TRAPPC9: variants seen among roughly 807,000 people sequenced by gnomAD.
TRAPPC9 encodes trafficking protein particle complex subunit 9, also known as IKK2 binding protein.
TRAPPC9 carries 83 observed loss-of-function variants against 124.0 expected under a neutral mutation model. The ratio of observed to expected loss-of-function variants is 0.67; its 90% CI spans 0.56 to 0.80. TRAPPC9 has a LOEUF of 0.80. TRAPPC9 is among the 30% of genes least tolerant of loss of function. The probability of loss-of-function intolerance (pLI) is 0.00; values close to 1 mark genes in which losing one functional copy is unlikely to be tolerated. For missense variants in TRAPPC9, 1,302 were observed against 1,508.3 expected (o/e 0.86, Z 2.27); for synonymous variants, 638 against 617.5 (o/e 1.03, Z -0.49).
At chr8:139,859,403 T>A (rs1473675811) in intron 21 of TRAPPC9, among the ~76,000 whole-genome samples, 1 of 152,202 alleles carries the variant, frequency 6.6e-6, no homozygotes, top group African/African-American at 2.4e-5. Flanking sequence ...GCGCTTCTAT[T>A]GCTTACTAAG....
chr8:140,317,869 C>A (rs1588143633), intron 9 of TRAPPC9, among the ~76,000 whole-genome samples: 1 of 152,066 alleles, frequency 6.6e-6, no homozygotes, highest in Non-Finnish European at 1.5e-5. Context: ...TTACAAAATA[C>A]CTGCCAAAGA....
chr8:140,085,510 C>T (rs1161279490), intron 17 of TRAPPC9, among the ~76,000 whole-genome samples: 2 of 152,170 alleles, frequency 1.3e-5, no homozygotes, highest in African/African-American at 2.4e-5. Flanking sequence ...AAACCTCTCT[C>T]GAATGGAAAT....
chr8:139,837,223 C>T (rs1415661537), intron 21 of TRAPPC9, among the ~76,000 whole-genome samples: 1 of 152,194 alleles, frequency 6.6e-6, no homozygotes, highest in Non-Finnish European at 1.5e-5. Flanking sequence ...AAGAGCCCTC[C>T]TGCTGCCGCT....
chr8:140,434,204 G>A (rs772754203), intron 4 of TRAPPC9, among the ~76,000 whole-genome samples: 3 of 152,152 alleles, frequency 2.0e-5, no homozygotes, highest in Non-Finnish European at 4.4e-5. Flanking sequence ...CCACACTGTG[G>A]AGTGTACTTT....
At chr8:140,030,432 T>G (rs1587537471) in intron 17 of TRAPPC9, among the ~76,000 whole-genome samples, 1 of 152,278 alleles carries the variant, frequency 6.6e-6, no homozygotes, top group East Asian at 1.9e-4. Context: ...AATAGTAAAA[T>G]CCTTTTGAAA....
chr8:140,065,796 T>G (rs1019820721), intron 17 of TRAPPC9, among the ~76,000 whole-genome samples: 4 of 152,256 alleles, frequency 2.6e-5, no homozygotes, highest in Non-Finnish European at 4.4e-5. Flanking sequence ...GATGGAGATG[T>G]ACAAGAAGGT....
At chr8:140,315,796 G>C (rs202038428) in intron 9 of TRAPPC9, among the ~76,000 whole-genome samples, 1 of 152,092 alleles carries the variant, frequency 6.6e-6, no homozygotes, top group African/African-American at 2.4e-5. Flanking sequence ...AATTACACAG[G>C]AAACACTGTC....
At chr8:139,852,441 C>T (rs762295117) in intron 21 of TRAPPC9, among the ~76,000 whole-genome samples, 4 of 152,170 alleles carry the variant, frequency 2.6e-5, no homozygotes, top group Non-Finnish European at 5.9e-5. Flanking sequence ...AGGCTCCTCA[C>T]CGAGTGCCAG....
chr8:139,856,624 T>G (rs1257843393), intron 21 of TRAPPC9, among the ~76,000 whole-genome samples: 5 of 151,894 alleles, frequency 3.3e-5, no homozygotes. Context: ...GATTTGTGAA[T>G]GTTCTCAAGA....
intron 1 of TRAPPC9, among the ~76,000 whole-genome samples, chr8:140,455,128 A>C (rs1047418309): frequency 1.3e-5 from 2 of 152,156 alleles, no homozygotes; most frequent in Non-Finnish European, 2.9e-5. Context: ...GAATGTACAT[A>C]GCAGTATTAT....
chr8:139,746,761 T>A (rs77303655), intron 21 of TRAPPC9, among the ~76,000 whole-genome samples: 2,017 of 152,320 alleles, frequency 0.013, 38 homozygotes, highest in African/African-American at 0.046. Context: ...AACCAAGCCC[T>A]CCCTTTCAGG....
At chr8:140,092,551 G>T (rs1213696651) in intron 17 of TRAPPC9, among the ~76,000 whole-genome samples, 1 of 152,122 alleles carries the variant, frequency 6.6e-6, no homozygotes, top group Non-Finnish European at 1.5e-5. Flanking sequence ...GTGAGAAAAG[G>T]AATCAGAGAG....
intron 19 of TRAPPC9, among the ~76,000 whole-genome samples, chr8:139,963,914 G>A (rs72683283): frequency 3.9e-5 from 6 of 152,108 alleles, no homozygotes; most frequent in Non-Finnish European, 7.4e-5. Context: ...ATTGACTTAT[G>A]CAACTATAAA....
intron 17 of TRAPPC9, among the ~76,000 whole-genome samples, chr8:140,139,920 T>A (rs2061358428): frequency 6.6e-6 from 1 of 152,230 alleles, no homozygotes; most frequent in African/African-American, 2.4e-5. Flanking sequence ...GATGTGTGCA[T>A]TTTTCTGAGT....
At chr8:140,011,729 G>T (rs1419428408) in intron 18 of TRAPPC9, among the ~76,000 whole-genome samples, 1 of 143,448 alleles carries the variant, frequency 7.0e-6, no homozygotes, top group Admixed American at 7.1e-5. Context: ...CCAGGCTGGA[G>T]TGCAATGGCA....
In TRAPPC9 at chr8:139,770,010, C is replaced by T. The variant is rs569601674; in HGVS notation, c.3056-37808G>A. On this transcript the variant is annotated intron_variant, in intron 21 of 22. Coordinates refer to ENST00000438773, the MANE Select transcript of TRAPPC9 (RefSeq NM_001160372.4). ...GGCACGGGGCAGGCAGGTTTTGCCACCCGCCAGTGGTGGGCCAGGCCCTGT... is the reference window on the plus strand; with the variant it reads ...GGCACGGGGCAGGCAGGTTTTGCCATCCGCCAGTGGTGGGCCAGGCCCTGT... Among the ~76,000 whole-genome samples the T allele has an allele frequency of 3.3e-5, 5 of 152,338 alleles. No homozygotes were observed. The South Asian group carries it at 1.0e-3, about 32-fold the overall frequency.
chr8:139,732,329 C>T (rs1440844609), intron 21 of TRAPPC9, 127 bp from the exon 22 acceptor site: 4 of 854,736 alleles, frequency 4.7e-6, no homozygotes, highest in Non-Finnish European at 5.3e-6. Context: ...CCACTCCCTG[C>T]CAGGCTGGAC....
intron 9 of TRAPPC9, among the ~76,000 whole-genome samples, chr8:140,312,229 C>A (rs754151370): frequency 6.6e-6 from 1 of 152,206 alleles, no homozygotes; most frequent in Non-Finnish European, 1.5e-5. Flanking sequence ...TCCCTCCTTG[C>A]AGCATCTAGC....
chr8:139,979,587 C>A (rs989837318), intron 19 of TRAPPC9, among the ~76,000 whole-genome samples: 5 of 151,960 alleles, frequency 3.3e-5, no homozygotes, highest in Non-Finnish European at 5.9e-5. Context: ...GACAGGCACC[C>A]CTCTTTAGTA....
Sources: gnomAD v4.1 joint callset for allele counts (sites outside exome capture counted in the v4.1 genomes callset) on GRCh38, gnomAD v4.1.1 for gene constraint, MANE v1.5 for transcripts, NCBI Gene and HGNC (gene_info 2026-07-23, HGNC 2026-07-21) for gene names.